The following TNKS variants were observed in gnomAD, a reference collection of about 807,000 sequenced individuals.
The protein encoded by TNKS is tankyrase, also known as poly [ADP-ribose] polymerase tankyrase-1.
Under a neutral mutation model 135.8 loss-of-function variants are expected in TNKS, and 72 were observed. The observed-to-expected ratio is 0.53, with a 90% CI of 0.44 to 0.64. The LOEUF is 0.64. Among genes scored for constraint, TNKS ranks in the 30% least tolerant of loss-of-function variants. The pLI is 0.00. For missense variants in TNKS, 1,769 were observed against 1,674.0 expected, an observed-to-expected ratio of 1.06 and a Z score of -0.99; for synonymous variants, 849 against 649.3, an observed-to-expected ratio of 1.31 and a Z score of -4.68.
intron 3 of TNKS, among the ~76,000 whole-genome samples, chr8:9,669,242 C>A (rs953851448): frequency 6.6e-6 from 1 of 151,234 alleles, no homozygotes; most frequent in Non-Finnish European, 1.5e-5. Flanking sequence ...CAAGGTGAAA[C>A]CCCGTCTCTA....
chr8:9,748,119 A>G lies in TNKS; in HGVS notation c.2739A>G (p.Lys913=), dbSNP rs781449372. Residue 913 remains lysine (K), a synonymous_variant, in exon 18 of 27, where the codon AAA becomes AAG. Transcript: ENST00000310430. ...AFTPLHEAAQ[K]GRTQLCALLL... ...CTCCCCTCCATGAAGCAGCCCAGAAAGGAAGGACGCAGCTGTGCGCCCTCC... is the reference window on the plus strand; with the variant it reads ...CTCCCCTCCATGAAGCAGCCCAGAAGGGAAGGACGCAGCTGTGCGCCCTCC... 2 of 1,614,198 alleles carry G rather than the reference A, an allele frequency of 1.2e-6. No individual in the cohort carries two copies. Among genetic ancestry groups the G allele is most frequent in the Non-Finnish European group, 1.7e-6 (2 of 1,180,028 alleles).
rs570339402 is a variant in TNKS, at chr8:9,766,135, C to T, written c.3554-104C>T. On this transcript the variant is annotated intron_variant, in intron 24 of 26. Transcript: ENST00000310430. ...TTAGAAAATACTTTTCATTTATACA[C>T]CATTCATTTCTTAATATTAACCTGC... The T allele has an allele frequency of 3.3e-5, 31 of 931,968 alleles. No homozygotes were observed. The African/African-American group carries it at 4.9e-4, about 15-fold the overall frequency. The allele number at this position is 931,968 out of a possible 1,614,324, so 57.7% of individuals were successfully genotyped here. A position where few individuals can be genotyped will look rare whatever the true frequency, so the allele number is the denominator to read the frequency against.
At chr8:9,585,675 A>G (rs1798350222) in intron 2 of TNKS, among the ~76,000 whole-genome samples, 1 of 152,200 alleles carries the variant, frequency 6.6e-6, no homozygotes, top group Non-Finnish European at 1.5e-5. Flanking sequence ...TTTTGGGAGT[A>G]AGAAAGGCTG....
rs762673340 is a variant in TNKS, at chr8:9,720,447, G to T, written c.1823G>T (p.Arg608Leu). 6.2e-7 allele frequency: 1 copy of T among 1,614,082 alleles called. No homozygotes were observed. The highest frequency in any genetic ancestry group is 8.5e-7 in the Non-Finnish European group (1 of 1,180,016). Residue 608 changes from arginine to leucine, a missense_variant, in exon 12 of 27, where the codon CGC becomes CTC. Arg to Leu is a moderately radical substitution (Grantham distance 102, BLOSUM62 -2). Around this residue, in one of 5 missense-constraint regions of TNKS, gnomAD observed 523 missense variants for 541.0 expected, o/e 0.97. Transcript: ENST00000310430. Reference protein sequence around the residue: ...AALAGHLQTCRLLLSYGSDPS... With the variant: ...AALAGHLQTCLLLLSYGSDPS... ...CTAGCAGGTCACCTGCAGACCTGCC[G>T]CCTCCTGCTGAGTTACGGCTCTGAC...
intron 3 of TNKS, among the ~76,000 whole-genome samples, chr8:9,661,504 A>C (rs1801709428): frequency 6.6e-6 from 1 of 152,058 alleles, no homozygotes; most frequent in Non-Finnish European, 1.5e-5. Context: ...TATTTAATAA[A>C]TGGTGCTGGG....
chr8:9,701,706 G>C (rs1444082923), intron 5 of TNKS, among the ~76,000 whole-genome samples: 1 of 152,214 alleles, frequency 6.6e-6, no homozygotes, highest in Non-Finnish European at 1.5e-5. Context: ...CGCCTCCAAA[G>C]AATTTCCAGG....
intron 26 of TNKS, among the ~76,000 whole-genome samples, chr8:9,770,924 G>T (rs1807792275): frequency 6.6e-6 from 1 of 152,000 alleles, no homozygotes; most frequent in Non-Finnish European, 1.5e-5. Flanking sequence ...TTGATGTATT[G>T]ATTTGAGGAG....
Position 9,764,704 on chromosome 8 carries a change from TTTG to T in TNKS, c.3373-9_3373-7del. On this transcript the variant is annotated splice_polypyrimidine_tract_variant and intron_variant, in intron 22 of 26. Coordinates refer to ENST00000310430, the MANE Select transcript of TNKS (RefSeq NM_003747.3). ...GGGATGTTTTTATAAAATTAGTTAT[TTTG>T]TTCTGTAGATGCAAAGTACTATTCG... The T allele has an allele frequency of 7.0e-6, 11 of 1,581,482 alleles. No individual in the cohort carries two copies. The highest frequency in any genetic ancestry group is 9.4e-6 in the Non-Finnish European group (11 of 1,169,092).
rs375435262 is a variant in TNKS at position 9,671,546 on chromosome 8, C to T, written c.995-8405C>T. 3.3e-5 allele frequency among the ~76,000 whole-genome samples: 5 copies of T among 152,146 alleles called. No individual in the cohort carries two copies. The East Asian group carries it at 7.7e-4, about 23-fold the overall frequency. ...CTGTGATTCCATTTACATGGCATTC[C>T]GTAAAATAAAACTGGGGACAGAAAT... On this transcript the variant is annotated intron_variant, in intron 3 of 26. Transcript: ENST00000310430.
chr8:9,746,331 T>C (rs1323369609), intron 17 of TNKS, among the ~76,000 whole-genome samples: 1 of 152,176 alleles, frequency 6.6e-6, no homozygotes, highest in Non-Finnish European at 1.5e-5. Context: ...GTAGTGCCTA[T>C]TGTGTGATCG....
intron 11 of TNKS, among the ~76,000 whole-genome samples, chr8:9,713,206 A>C (rs1321701032): frequency 6.6e-6 from 1 of 152,200 alleles, no homozygotes; most frequent in Non-Finnish European, 1.5e-5. Flanking sequence ...CTGCATTATT[A>C]TATAAGTAGC....
intron 3 of TNKS, among the ~76,000 whole-genome samples, chr8:9,674,573 G>T (rs1042055487): frequency 3.3e-5 from 5 of 152,188 alleles, no homozygotes; most frequent in Non-Finnish European, 7.3e-5. Flanking sequence ...GCAATGTTCA[G>T]TATAGAGGTA....
At position 9,731,818 on chromosome 8, in the gene TNKS, C is replaced by T. The variant is rs1321128786; in HGVS notation, c.2147+783C>T. Among the ~76,000 whole-genome samples, 3 of 152,100 alleles carry T rather than the reference C, an allele frequency of 2.0e-5. No homozygotes were observed. The East Asian group carries it at 5.8e-4, about 29-fold the overall frequency. ...TTGTTTTGTTTTTGAGACAGAGTCT[C>T]GCTCTGTCGCCCAGGCTGGAGTGCA... On this transcript the variant is annotated intron_variant, in intron 14 of 26. Coordinates refer to ENST00000310430, the MANE Select transcript of TNKS (RefSeq NM_003747.3).
rs75713715 is a variant in TNKS, at chr8:9,652,053, CAT to C, written c.995-27897_995-27896del. On this transcript the variant is annotated intron_variant, in intron 3 of 26. Coordinates refer to ENST00000310430, the MANE Select transcript of TNKS (RefSeq NM_003747.3). ...GAAGTTTAAAATTAATGAAAAATGA[CAT>C]GTATTAAATATAGAAACAAATCTTT... 7.3e-3 allele frequency among the ~76,000 whole-genome samples: 1,111 copies of C among 152,246 alleles called. 3 individuals are homozygous for C. The highest frequency in any genetic ancestry group is 0.017 in the Middle Eastern group (5 of 294).
chr8:9,564,374 T>TAA (rs201861876), intron 1 of TNKS, among the ~76,000 whole-genome samples: 7 of 148,460 alleles, frequency 4.7e-5, no homozygotes, highest in South Asian at 2.1e-4. Context: ...ATAAATATGT[T>TAA]AAAAAAAAAA....
At chr8:9,662,041 A>G (rs1413207509) in intron 3 of TNKS, among the ~76,000 whole-genome samples, 1 of 152,250 alleles carries the variant, frequency 6.6e-6, no homozygotes, top group African/African-American at 2.4e-5. Flanking sequence ...ACAATGAGAT[A>G]CCATCTCACA....
intron 3 of TNKS, among the ~76,000 whole-genome samples, chr8:9,665,415 A>G (rs1424140898): frequency 1.3e-5 from 2 of 152,138 alleles, no homozygotes; most frequent in African/African-American, 4.8e-5. Context: ...TGAAAACCAG[A>G]TTTACTTTTT....
At chr8:9,720,075 G>T (rs1410342392) in intron 11 of TNKS, among the ~76,000 whole-genome samples, 1 of 152,110 alleles carries the variant, frequency 6.6e-6, no homozygotes. Context: ...GACCAGAGTT[G>T]CTGCCTCCAT....
chr8:9,568,688 T>C (rs578025766), intron 1 of TNKS, among the ~76,000 whole-genome samples: 26 of 152,334 alleles, frequency 1.7e-4, no homozygotes, highest in African/African-American at 6.3e-4. Flanking sequence ...ACCTGCCAAT[T>C]CTGGTATATT....
Sources: gnomAD v4.1 joint callset for allele counts (sites outside exome capture counted in the v4.1 genomes callset) on GRCh38, gnomAD v4.1.1 for gene constraint, gnomAD v4.1.1 regional missense constraint, MANE v1.5 for transcripts, NCBI Gene and HGNC (gene_info 2026-07-23, HGNC 2026-07-21) for gene names.